The following RSPH14 variants were observed in gnomAD, a reference collection of about 807,000 sequenced individuals.
RSPH14 encodes rhabdoid tumor deletion region gene 1.
Under a neutral mutation model 26.7 loss-of-function variants are expected in RSPH14, and 20 were observed. The observed-to-expected ratio is 0.75, with a 90% confidence interval of 0.53 to 1.09. The LOEUF (loss-of-function observed/expected upper bound fraction) is 1.09, where lower values mean the gene tolerates loss of function less well. Ranked by LOEUF, RSPH14 falls within the 50% of genes least tolerant of loss-of-function variation. The probability of loss-of-function intolerance (pLI) is 0.00; values close to 1 mark genes in which losing one functional copy is unlikely to be tolerated. For synonymous variants in RSPH14, 177 were observed against 189.3 expected (o/e 0.93, Z 0.53); for missense variants, 449 against 457.2 (o/e 0.98, Z 0.16).
intron 4 of RSPH14, among the ~76,000 whole-genome samples, chr22:23,076,815 A>C (rs989888292): frequency 1.3e-5 from 2 of 152,210 alleles, no homozygotes; most frequent in African/African-American, 4.8e-5. Flanking sequence ...CCTGTGCCCC[A>C]AGATCAAGGA....
intron 4 of RSPH14, among the ~76,000 whole-genome samples, chr22:23,128,481 C>A (rs1376753709): frequency 6.6e-6 from 1 of 152,216 alleles, no homozygotes; most frequent in Non-Finnish European, 1.5e-5. Flanking sequence ...ACGGCACCAC[C>A]ACGGCGCATG....
intron 4 of RSPH14, chr22:23,095,611 G>C (rs9624024): frequency 6.8e-7 from 1 of 1,465,036 alleles, no homozygotes; most frequent in Non-Finnish European, 9.1e-7. Context: ...CTGGGCTCTT[G>C]TCTGCCTGGT....
At chr22:23,172,324 G>A in the RSPH14 span, among the ~76,000 whole-genome samples, 1 of 151,342 alleles carries the variant, frequency 6.6e-6, no homozygotes. Context: ...GCTGAGGTGG[G>A]AGAACTGCTT....
intron 5 of RSPH14, 84 bp downstream of exon 5, chr22:23,063,818 G>A: frequency 6.8e-6 from 9 of 1,325,306 alleles, no homozygotes; most frequent in Non-Finnish European, 9.5e-6. Context: ...CAGGCCCAGG[G>A]TGGCCGCCCT....
At chr22:23,144,512 T>TA (rs1400596085), upstream of RSPH14, among the ~76,000 whole-genome samples, 1 of 152,154 alleles carries the variant, frequency 6.6e-6, no homozygotes, top group Non-Finnish European at 1.5e-5. Flanking sequence ...ACAACTCACC[T>TA]AAGTTCACCC....
intron 4 of RSPH14, chr22:23,122,725 G>A: frequency 3.5e-6 from 1 of 284,694 alleles, no homozygotes; most frequent in Non-Finnish European, 6.7e-6. Flanking sequence ...CTGTGGATGG[G>A]CAGTGGGAAG....
chr22:23,146,383 T>G (rs528828023), upstream of RSPH14, among the ~76,000 whole-genome samples: 14 of 151,164 alleles, frequency 9.3e-5, no homozygotes, highest in South Asian at 4.2e-4. Flanking sequence ...ATTTTTTTGG[T>G]TTTTTTTTGT....
At chr22:23,158,000 A>G in the RSPH14 span, 1 of 1,614,160 alleles carries the variant, frequency 6.2e-7, no homozygotes, top group South Asian at 1.1e-5. Flanking sequence ...AGTGATCATC[A>G]CGGCCTTTGA....
chr22:23,068,216 A>G (rs2068254738), intron 4 of RSPH14, among the ~76,000 whole-genome samples: 1 of 151,894 alleles, frequency 6.6e-6, no homozygotes, highest in South Asian at 2.1e-4. Flanking sequence ...CTCCCACCCT[A>G]TGTCACTGGC....
intron 4 of RSPH14, chr22:23,123,542 G>T: frequency 1.5e-6 from 1 of 665,410 alleles, no homozygotes; most frequent in Non-Finnish European, 2.6e-6. Context: ...CCTAAAGAAT[G>T]TCCCCCACCC....
intron 4 of RSPH14, among the ~76,000 whole-genome samples, chr22:23,075,383 G>A (rs1003860973): frequency 6.6e-6 from 1 of 152,172 alleles, no homozygotes; most frequent in Non-Finnish European, 1.5e-5. Flanking sequence ...TTGCCCCTTG[G>A]TCTGTGGACC....
At chr22:23,130,444 G>GGC (rs1336531516) in intron 4 of RSPH14, among the ~76,000 whole-genome samples, 1 of 115,484 alleles carries the variant, frequency 8.7e-6, no homozygotes, top group Non-Finnish European at 1.8e-5. Context: ...GACAGAGTGA[G>GGC]ACTCTGTCTC....
chr22:23,156,948 G>A, the RSPH14 span, among the ~76,000 whole-genome samples: 1 of 152,168 alleles, frequency 6.6e-6, no homozygotes, highest in South Asian at 2.1e-4. Flanking sequence ...CATCTGCCTT[G>A]GGAGGGGCGT....
At chr22:23,167,747 T>G in the RSPH14 span, among the ~76,000 whole-genome samples, 3 of 152,102 alleles carry the variant, frequency 2.0e-5, no homozygotes, top group South Asian at 2.1e-4. Context: ...AGGGTCTCGC[T>G]GTGTTGCCTG....
chr22:23,072,445 G>A (rs2068403484), intron 4 of RSPH14, among the ~76,000 whole-genome samples: 1 of 152,212 alleles, frequency 6.6e-6, no homozygotes, highest in South Asian at 2.1e-4. Flanking sequence ...TTCTGAGACA[G>A]GAGGTGAATA....
chr22:23,156,164 A>ACTGAGAAAACACAG, the RSPH14 span: 1 of 527,402 alleles, frequency 1.9e-6, no homozygotes, highest in Non-Finnish European at 3.1e-6. Flanking sequence ...AGAAAACACC[A>ACTGAGAAAACACAG]GGCCACTGCT....
chr22:23,075,463 A>G (rs917687730), intron 4 of RSPH14, among the ~76,000 whole-genome samples: 3 of 152,196 alleles, frequency 2.0e-5, no homozygotes, highest in Admixed American at 1.3e-4. Context: ...CAGGCCCTGG[A>G]CCTACATGGC....
chr22:23,064,013 T>C lies in RSPH14; in HGVS notation c.542A>G (p.Glu181Gly). The change falls in exon 5 of 7, where the codon GAG becomes GGG. Residue 181 changes from glutamate (E) to glycine (G), a missense_variant. Coordinates refer to ENST00000216036, the MANE Select transcript of RSPH14 (RefSeq NM_014433.3). ...GCTGCCCAGGGCCTCGGTGGCATCC[T>C]CCTGCAGGCAGAGGACCAGTGTGTC... ...ILDTLVLCLQEDATEALGSNV... is the reference protein window; with the variant it reads ...ILDTLVLCLQGDATEALGSNV... 6.2e-7 allele frequency: 1 copy of C among 1,614,184 alleles called. No individual in the cohort carries two copies.
At chr22:23,159,077 C>T in the RSPH14 span, 1 of 1,582,788 alleles carries the variant, frequency 6.3e-7, no homozygotes, top group East Asian at 2.3e-5. Flanking sequence ...GGAGGCAGCA[C>T]AGTGGGAAGC....
Sources: allele counts gnomAD v4.1 joint callset (sites outside exome capture counted in the v4.1 genomes callset), GRCh38; gene constraint gnomAD v4.1.1; transcripts MANE v1.5; gene names NCBI Gene and HGNC (gene_info 2026-07-23, HGNC 2026-07-21).